TENM3: variants seen among roughly 807,000 people sequenced by gnomAD.
TENM3 encodes teneurin transmembrane protein 3.
TENM3 carries 63 observed loss-of-function variants against 255.1 expected under a neutral mutation model. The ratio of observed to expected loss-of-function variants is 0.25; its 90% confidence interval spans 0.20 to 0.30. The LOEUF (loss-of-function observed/expected upper bound fraction) is 0.30. Among genes scored for constraint, TENM3 ranks in the 10% least tolerant of loss-of-function variants. TENM3 has a pLI of 1.00. For missense variants in TENM3, 2,929 were observed against 3,461.1 expected (o/e 0.85, Z 3.86); for synonymous variants, 1,306 against 1,322.3 (o/e 0.99, Z 0.27).
chr4:182,527,551 T>G (rs1739334972), intron 3 of TENM3, among the ~76,000 whole-genome samples: 1 of 152,046 alleles, frequency 6.6e-6, no homozygotes, highest in African/African-American at 2.4e-5. Context: ...CATTTTACCC[T>G]GTGTAAGATG....
chr4:182,643,999 ATAT>A (rs1345316247), intron 5 of TENM3, among the ~76,000 whole-genome samples: 1 of 152,158 alleles, frequency 6.6e-6, no homozygotes, highest in Non-Finnish European at 1.5e-5. Flanking sequence ...TGATCTTGTA[ATAT>A]TAAACAGCGT....
intron 1 of TENM3, among the ~76,000 whole-genome samples, chr4:182,202,464 C>A: frequency 6.6e-6 from 1 of 152,050 alleles, no homozygotes; most frequent in Non-Finnish European, 1.5e-5. Flanking sequence ...CACCACCACA[C>A]CCAGCTACTT....
the TENM3 span, among the ~76,000 whole-genome samples, chr4:181,747,634 C>G: frequency 2.0e-5 from 3 of 151,790 alleles, no homozygotes; most frequent in Non-Finnish European, 4.4e-5. Flanking sequence ...TATATATTTT[C>G]TCCCAGATTT....
the TENM3 span, among the ~76,000 whole-genome samples, chr4:181,490,292 G>A: frequency 6.6e-6 from 1 of 152,118 alleles, no homozygotes; most frequent in Non-Finnish European, 1.5e-5. Context: ...TATTTTTAAT[G>A]TCTACCTAGA....
chr4:182,079,041 G>A, the TENM3 span, among the ~76,000 whole-genome samples: 1 of 152,162 alleles, frequency 6.6e-6, no homozygotes, highest in Non-Finnish European at 1.5e-5. Flanking sequence ...TGTAACTGAG[G>A]CTTTGACATG....
the TENM3 span, among the ~76,000 whole-genome samples, chr4:181,744,259 A>G: frequency 6.6e-6 from 1 of 152,152 alleles, no homozygotes. Flanking sequence ...TGTCTTTGCT[A>G]TTGTGAATGG....
chr4:181,544,468 C>T, the TENM3 span, among the ~76,000 whole-genome samples: 3 of 140,636 alleles, frequency 2.1e-5, no homozygotes, highest in South Asian at 4.7e-4. Flanking sequence ...GTCTCAATTA[C>T]CCACATTTGA....
At chr4:181,828,827 T>C in the TENM3 span, among the ~76,000 whole-genome samples, 1 of 152,124 alleles carries the variant, frequency 6.6e-6, no homozygotes, top group Non-Finnish European at 1.5e-5. Context: ...TGACCTCAAG[T>C]GTTCCACTCA....
At chr4:182,440,144 G>C (rs1053270729) in intron 3 of TENM3, among the ~76,000 whole-genome samples, 2 of 122,134 alleles carry the variant, frequency 1.6e-5, no homozygotes, top group African/African-American at 6.4e-5. Context: ...ACGGAGTCTC[G>C]CTCTGTTGCC....
At chr4:182,625,884 G>A (rs1447776669) in intron 4 of TENM3, among the ~76,000 whole-genome samples, 5 of 152,112 alleles carry the variant, frequency 3.3e-5, no homozygotes, top group African/African-American at 1.2e-4. Context: ...GAGAATCTAG[G>A]TCCGGGCCAA....
intron 3 of TENM3, among the ~76,000 whole-genome samples, chr4:182,488,845 A>G (rs1445764393): frequency 1.3e-5 from 2 of 152,142 alleles, no homozygotes; most frequent in Non-Finnish European, 2.9e-5. Context: ...TAAAAGTTCT[A>G]GGAGAATGCT....
At chr4:181,484,059 G>T in the TENM3 span, among the ~76,000 whole-genome samples, 3 of 152,064 alleles carry the variant, frequency 2.0e-5, no homozygotes, top group East Asian at 1.9e-4. Context: ...ACTTTAAAAC[G>T]ATCTGACTTG....
chr4:181,502,271 ATAGTGAT>A, the TENM3 span, among the ~76,000 whole-genome samples: 4 of 152,182 alleles, frequency 2.6e-5, no homozygotes, highest in Non-Finnish European at 5.9e-5. Context: ...ACACCGGATG[ATAGTGAT>A]TGTTAATGTT....
At chr4:181,894,365 A>T in the TENM3 span, among the ~76,000 whole-genome samples, 11 of 152,056 alleles carry the variant, frequency 7.2e-5, no homozygotes, top group African/African-American at 2.2e-4. Context: ...TGCCGTGGAG[A>T]CCTACCTGTA....
At chr4:182,236,973 A>G (rs750501948) in intron 1 of TENM3, among the ~76,000 whole-genome samples, 4 of 152,070 alleles carry the variant, frequency 2.6e-5, no homozygotes, top group Non-Finnish European at 4.4e-5. Context: ...TACATTAGCT[A>G]TTTTTCCTGA....
intron 2 of TENM3, among the ~76,000 whole-genome samples, chr4:182,335,494 CAAAAAA>C (rs372965020): frequency 0.013 from 674 of 52,410 alleles, 9 homozygotes; most frequent in African/African-American, 0.03. Context: ...GACTCCGCCT[CAAAAAA>C]AAAAAAAAAA....
chr4:182,125,483 G>T, the TENM3 span, among the ~76,000 whole-genome samples: 1 of 152,154 alleles, frequency 6.6e-6, no homozygotes, highest in African/African-American at 2.4e-5. Context: ...TGTGGATAAG[G>T]GGAAATGCCA....
At chr4:181,978,006 C>A in the TENM3 span, among the ~76,000 whole-genome samples, 1 of 152,010 alleles carries the variant, frequency 6.6e-6, no homozygotes, top group East Asian at 1.9e-4. Context: ...CCAAGTCATT[C>A]CAAGTAAAGT....
chr4:181,480,697 T>C, the TENM3 span, among the ~76,000 whole-genome samples: 1 of 151,342 alleles, frequency 6.6e-6, no homozygotes, highest in African/African-American at 2.4e-5. Flanking sequence ...TATATATAGA[T>C]ATGTTTTATA....
Sources: allele counts gnomAD v4.1 joint callset (sites outside exome capture counted in the v4.1 genomes callset), GRCh38; gene constraint gnomAD v4.1.1; transcripts MANE v1.5; gene names NCBI Gene and HGNC (gene_info 2026-07-23, HGNC 2026-07-21).